Variants in PRR5L observed in about 807,000 individuals in gnomAD.
PRR5L encodes the protein proline rich 5 like.
PRR5L carries 21 observed loss-of-function variants against 36.4 expected under a neutral mutation model. The ratio of observed to expected loss-of-function variants is 0.58; its 90% CI spans 0.41 to 0.83. The LOEUF (loss-of-function observed/expected upper bound fraction) is 0.83. Among genes scored for constraint, PRR5L ranks in the 40% least tolerant of loss-of-function variants. The probability of loss-of-function intolerance (pLI) is 0.00; values close to 1 mark genes in which losing one functional copy is unlikely to be tolerated. For synonymous variants in PRR5L, 188 were observed against 197.0 expected (o/e 0.95, Z 0.38); for missense variants, 381 against 473.3 (o/e 0.80, Z 1.81).
At chr11:36,325,071 G>A (rs568193945) in intron 1 of PRR5L, among the ~76,000 whole-genome samples, 1 of 152,106 alleles carries the variant, frequency 6.6e-6, no homozygotes, top group African/African-American at 2.4e-5. Flanking sequence ...GGCAAGCCTC[G>A]TGTTCTCTGA....
chr11:36,437,287 C>A, intron 5 of PRR5L, 98 bp from the exon 6 acceptor site: 1 of 869,010 alleles, frequency 1.2e-6, no homozygotes, highest in South Asian at 1.3e-5. Flanking sequence ...GCATGTGCAG[C>A]TTGACATTTT....
chr11:36,431,565 T>C (rs1462071271), intron 4 of PRR5L, among the ~76,000 whole-genome samples: 1 of 152,104 alleles, frequency 6.6e-6, no homozygotes. Context: ...GTGTCAACAA[T>C]AGCGAATTCA....
At chr11:36,378,050 C>T (rs1390516794) in intron 1 of PRR5L, among the ~76,000 whole-genome samples, 1 of 152,020 alleles carries the variant, frequency 6.6e-6, no homozygotes, top group Non-Finnish European at 1.5e-5. Flanking sequence ...TTTTTGACCT[C>T]TCTTTGGTGA....
At chr11:36,441,921 A>G (rs1445732489) in intron 6 of PRR5L, among the ~76,000 whole-genome samples, 1 of 152,132 alleles carries the variant, frequency 6.6e-6, no homozygotes, top group East Asian at 1.9e-4. Context: ...CCACTGCTGG[A>G]GCCAGAGAAA....
At position 36,351,274 on chromosome 11, in the gene PRR5L, A is replaced by ATATATTTT. The variant is rs1554987081; in HGVS notation, c.-125-49718_-125-49717insTTTTATAT. 1.9e-4 allele frequency among the ~76,000 whole-genome samples: 15 copies of ATATATTTT among 79,268 alleles called. 1 individual carries two copies. Among genetic ancestry groups the ATATATTTT allele is most frequent in the African/African-American group, 5.8e-4 (11 of 19,022 alleles). The allele number at this position is 79,268 out of a possible 152,430, so 52.0% of individuals were successfully genotyped here. ...TTTATATATGTATATTTATATATTT[A>ATATATTTT]TATATATGTATATTTATATATTTAT... On this transcript the variant is annotated intron_variant, in intron 1 of 8. Coordinates refer to ENST00000530639, the MANE Select transcript of PRR5L (RefSeq NM_001160167.2).
intron 1 of PRR5L, among the ~76,000 whole-genome samples, chr11:36,338,974 T>C (rs962134401): frequency 2.0e-5 from 3 of 152,206 alleles, no homozygotes; most frequent in Non-Finnish European, 4.4e-5. Flanking sequence ...TGAGATCTGA[T>C]GGGTTTGTCA....
At chr11:36,351,769 A>ATATTTTTT (rs1565409670) in intron 1 of PRR5L, among the ~76,000 whole-genome samples, 22 of 26,182 alleles carry the variant, frequency 8.4e-4, no homozygotes, top group South Asian at 1.0e-3. Context: ...TTATATATTT[A>ATATTTTTT]TATATATTTA....
At chr11:36,319,644 A>G (rs779489100) in intron 1 of PRR5L, among the ~76,000 whole-genome samples, 4 of 150,786 alleles carry the variant, frequency 2.7e-5, no homozygotes, top group Non-Finnish European at 4.4e-5. Context: ...CAAGAGCAAT[A>G]CTTTGTAGAT....
At position 36,462,811 on chromosome 11, in the gene PRR5L, A is replaced by AG. The variant is rs1249200217; in HGVS notation, c.*81dup. Reference sequence around the variant, plus strand: ...ACCCCTCCATCTCCGTGGATTACTGAGGGGGGCTCTTGCTTTATGCGATGC... The same window carrying AG: ...ACCCCTCCATCTCCGTGGATTACTGAGGGGGGGCTCTTGCTTTATGCGATGC... On this transcript the variant is annotated 3_prime_UTR_variant, in exon 9 of 9. Transcript: ENST00000530639. 1.2e-5 allele frequency: 17 copies of AG among 1,373,726 alleles called. No homozygotes were observed. The highest frequency in any genetic ancestry group is 1.5e-5 in the Non-Finnish European group (15 of 1,020,590). The allele number at this position is 1,373,726 out of a possible 1,614,324, so 85.1% of individuals were successfully genotyped here.
At chr11:36,342,848 ATT>A (rs1338310500) in intron 1 of PRR5L, among the ~76,000 whole-genome samples, 1 of 152,180 alleles carries the variant, frequency 6.6e-6, no homozygotes, top group African/African-American at 2.4e-5. Flanking sequence ...ACTTTGGCAC[ATT>A]GTTTTTTTCT....
chr11:36,362,969 G>C (rs910923396), intron 1 of PRR5L, among the ~76,000 whole-genome samples: 1 of 152,096 alleles, frequency 6.6e-6, no homozygotes, highest in African/African-American at 2.4e-5. Context: ...TTTCTAAGGG[G>C]GAGAAAGAGA....
intron 1 of PRR5L, among the ~76,000 whole-genome samples, chr11:36,368,090 T>C (rs1226248191): frequency 6.6e-6 from 1 of 151,904 alleles, no homozygotes; most frequent in East Asian, 1.9e-4. Context: ...CTGCCGTAGA[T>C]TGGAGAACAA....
intron 1 of PRR5L, among the ~76,000 whole-genome samples, chr11:36,297,786 G>T (rs935797946): frequency 2.0e-5 from 3 of 152,178 alleles, no homozygotes; most frequent in Admixed American, 2.0e-4. Flanking sequence ...CCCTCCTCCA[G>T]TGGGGCCTGC....
intron 1 of PRR5L, among the ~76,000 whole-genome samples, chr11:36,373,210 G>A (rs1327095109): frequency 6.6e-6 from 1 of 152,134 alleles, no homozygotes; most frequent in Non-Finnish European, 1.5e-5. Flanking sequence ...ATGGCAAGCT[G>A]TGTATATATC....
chr11:36,376,304 G>GGAGGAAGA (rs1857257816), intron 1 of PRR5L: 2 of 1,115,680 alleles, frequency 1.8e-6, no homozygotes, highest in Non-Finnish European at 2.3e-6. Context: ...GGGAGGAGAA[G>GGAGGAAGA]GAGGAAGAGG....
chr11:36,342,817 G>A (rs985531819), intron 1 of PRR5L, among the ~76,000 whole-genome samples: 2 of 152,038 alleles, frequency 1.3e-5, no homozygotes, highest in African/African-American at 4.8e-5. Context: ...AAAGAAATGG[G>A]AAAAAATTAA....
rs151182248 is a variant in PRR5L at position 36,357,323 on chromosome 11, G to T, written c.-125-43674G>T. ...ATAAAAGTGCAAGGTGAAGCAGCAT[G>T]GGCTGATGGATAAGCTGCAGTAAGT... On this transcript the variant is annotated intron_variant, in intron 1 of 8. Coordinates refer to ENST00000530639, the MANE Select transcript of PRR5L (RefSeq NM_001160167.2). Among the ~76,000 whole-genome samples, 326 of 152,338 alleles carry T rather than the reference G, an allele frequency of 2.1e-3. 2 individuals are homozygous for T. In the Middle Eastern group the frequency reaches 0.031, roughly 14 times the overall value.
At position 36,401,008 on chromosome 11, in the gene PRR5L, G is replaced by C; in HGVS notation, c.-114G>C. The C allele has an allele frequency of 6.8e-7, 1 of 1,480,970 alleles. No individual in the cohort carries two copies. Among genetic ancestry groups the C allele is most frequent in the African/African-American group, 1.4e-5 (1 of 70,914 alleles). 91.7% of individuals were successfully genotyped at this position (1,480,970 alleles called of 1,614,324 possible). A position where few individuals can be genotyped will look rare whatever the true frequency, so the allele number is the denominator to read the frequency against. ...CCCTCTCTTTTCAGGTGTTGGCTAC[G>C]TTTGTGGTTTTAAGAAAGCCTGAGG... On this transcript the variant is annotated 5_prime_UTR_variant, in exon 2 of 9. Transcript: ENST00000530639.
chr11:36,411,365 A>G (rs1296374483), intron 3 of PRR5L, among the ~76,000 whole-genome samples: 1 of 152,178 alleles, frequency 6.6e-6, no homozygotes, highest in Non-Finnish European at 1.5e-5. Context: ...AGGTCTGTGT[A>G]ATAACAGGAA....
Sources: gnomAD v4.1 joint callset for allele counts (sites outside exome capture counted in the v4.1 genomes callset) on GRCh38, gnomAD v4.1.1 for gene constraint, MANE v1.5 for transcripts, NCBI Gene and HGNC (gene_info 2026-07-23, HGNC 2026-07-21) for gene names.